Variants in BCORL1 observed in about 807,000 individuals in gnomAD.
BCORL1 encodes BCL6 corepressor like 1, also known as BCL-6 corepressor-like protein 1.
In BCORL1, 7 loss-of-function variants were observed where a neutral mutation model predicts 87.6. The ratio of observed to expected loss-of-function variants is 0.08; its 90% CI spans 0.05 to 0.15. The LOEUF (loss-of-function observed/expected upper bound fraction) is 0.15. Among genes scored for constraint, BCORL1 ranks in the 10% least tolerant of loss-of-function variants. The probability of loss-of-function intolerance (pLI) is 1.00; values close to 1 mark genes in which losing one functional copy is unlikely to be tolerated. For synonymous variants in BCORL1, 591 were observed against 634.4 expected (o/e 0.93, Z 1.03); for missense variants, 1,215 against 1,499.7 (o/e 0.81, Z 3.13).
At chrX:130,010,589 C>T (rs1474427742) in intron 2 of BCORL1, 1 of 111,236 alleles carries the variant, frequency 9.0e-6, no homozygotes, top group African/African-American at 3.3e-5. Context: ...CTCGGTTAGC[C>T]CCTTCTGGAT....
At chrX:130,040,079 C>G (rs1931220117) in intron 11 of BCORL1, among the ~76,000 whole-genome samples, 1 of 112,445 alleles carries the variant, frequency 8.9e-6, no homozygotes, top group South Asian at 3.7e-4. Flanking sequence ...GGCCCTTGCT[C>G]TAGCAGTGAC....
intron 2 of BCORL1, among the ~76,000 whole-genome samples, chrX:130,011,002 TAAAAAAAAAAAAAAAAAAAAAAA>T (rs1186630415): frequency 4.2e-4 from 8 of 19,089 alleles, no homozygotes; most frequent in African/African-American, 1.2e-3. Context: ...AGATTCAATC[TAAAAAAAAAAAAAAAAAAAAAAA>T]AAAAAAAAAA....
intron 2 of BCORL1, among the ~76,000 whole-genome samples, chrX:130,011,186 G>A (rs1928931330): frequency 9.2e-6 from 1 of 109,070 alleles, no homozygotes; most frequent in South Asian, 4.0e-4. Context: ...CCTCCTCCTT[G>A]GCCACTCCCA....
At chrX:129,981,871 C>T (rs1431790272), upstream of BCORL1, 1 of 88,190 alleles carries the variant, frequency 1.1e-5, no homozygotes, top group Non-Finnish European at 2.2e-5. Flanking sequence ...AGAGGCGAGC[C>T]CCGGCTTCAG....
chrX:130,021,318 G>A (rs1929792487), intron 5 of BCORL1, 168 bp downstream of exon 5: 1 of 751,777 alleles, frequency 1.3e-6, no homozygotes, highest in Non-Finnish European at 1.6e-6. Context: ...AGGTGAGCGA[G>A]CAAGGATCGG....
Position 130,016,062 on chromosome X carries a change from G to A in BCORL1, c.3290G>A (p.Gly1097Glu). The A allele has an allele frequency of 8.3e-7, 1 of 1,211,702 alleles. No individual in the cohort carries two copies. The highest frequency in any genetic ancestry group is 1.8e-5 in the South Asian group (1 of 56,997). The change falls in exon 4 of 14, where the codon GGG becomes GAG. Residue 1097 changes from glycine (G) to glutamate (E), a missense_variant. Gly to Glu is a moderately conservative substitution (Grantham distance 98). Transcript: ENST00000540052. ...GCTCGAGTGAAACAGGAAAGCGTAG[G>A]GGTCTTTGCTTGCAAGAACAAGTGG... is the stretch of plus-strand genomic sequence containing the variant. ...GQARVKQESV[G>E]VFACKNKWQP... is the part of the protein sequence containing the mutation.
chrX:130,047,597 G>A (rs1931833143), intron 11 of BCORL1, among the ~76,000 whole-genome samples: 1 of 112,346 alleles, frequency 8.9e-6, no homozygotes, highest in East Asian at 2.8e-4. Flanking sequence ...TCCCAGAGAG[G>A]AGCCCCAGGA....
At chrX:130,044,828 CAAAG>C (rs1283254895) in intron 11 of BCORL1, among the ~76,000 whole-genome samples, 1 of 112,499 alleles carries the variant, frequency 8.9e-6, no homozygotes, top group African/African-American at 3.2e-5. Flanking sequence ...TTTCTAAGTA[CAAAG>C]AAATGTCACT....
chrX:130,015,162 G>A lies in BCORL1; in HGVS notation c.2390G>A (p.Cys797Tyr), dbSNP rs1259658038. The change falls in exon 4 of 14, where the codon TGC becomes TAC. Residue 797 changes from cysteine to tyrosine, a missense_variant. By Grantham distance (194) the Cys-to-Tyr change is radical. This residue lies in a region of BCORL1 where 861 missense variants were observed against 1,010.0 expected (regional missense o/e 0.85). Transcript: ENST00000540052. Reference protein sequence around the residue: ...PARIAPGLPGCQTKELSLWKP... With the variant: ...PARIAPGLPGYQTKELSLWKP... Reference sequence around the variant, plus strand: ...CGCATTGCCCCTGGGCTGCCAGGGTGCCAAACCAAGGAACTCTCTTTGTGG... The same window carrying A: ...CGCATTGCCCCTGGGCTGCCAGGGTACCAAACCAAGGAACTCTCTTTGTGG... The A allele has an allele frequency of 2.5e-6, 3 of 1,212,274 alleles. No individual in the cohort carries two copies. Among genetic ancestry groups the A allele is most frequent in the Non-Finnish European group, 3.3e-6 (3 of 895,604 alleles).
At chrX:130,002,629 TAAGC>T (rs1928144836) in intron 1 of BCORL1, among the ~76,000 whole-genome samples, 1 of 101,778 alleles carries the variant, frequency 9.8e-6, no homozygotes, top group South Asian at 4.6e-4. Context: ...GAAGGTGAGA[TAAGC>T]AAGAAAAAGA....
chrX:130,041,777 C>T (rs1214074354), intron 11 of BCORL1, among the ~76,000 whole-genome samples: 1 of 111,189 alleles, frequency 9.0e-6, no homozygotes, highest in Non-Finnish European at 1.9e-5. Context: ...CAGGCACCCG[C>T]CACCAAGCTC....
At chrX:130,033,877 G>C (rs904305253) in intron 8 of BCORL1, among the ~76,000 whole-genome samples, 4 of 110,824 alleles carry the variant, frequency 3.6e-5, no homozygotes, top group Non-Finnish European at 7.6e-5. Flanking sequence ...AGCTACTCAG[G>C]AGGCTGAGGG....
At chrX:129,981,307 T>A (rs939862851), upstream of BCORL1, 1 of 111,274 alleles carries the variant, frequency 9.0e-6, no homozygotes, top group African/African-American at 3.3e-5. Context: ...GCCTTCCCCC[T>A]TCTTCAGCCA....
chrX:130,033,295 C>T (rs1930741794), intron 8 of BCORL1, among the ~76,000 whole-genome samples: 1 of 110,921 alleles, frequency 9.0e-6, no homozygotes, highest in African/African-American at 3.3e-5. Context: ...GTTGGCCAGG[C>T]TGGTCTTGAA....
Position 130,015,940 on chromosome X carries a change from T to C in BCORL1, c.3168T>C (p.Gly1056=). 8.3e-7 allele frequency: 1 copy of C among 1,211,312 alleles called. No homozygotes were observed. The highest frequency in any genetic ancestry group is 1.1e-6 in the Non-Finnish European group (1 of 895,398). Residue 1056 remains glycine, a synonymous_variant, in exon 4 of 14, where the codon GGT becomes GGC. Transcript: ENST00000540052. ...LGRVKMEKVD[G]DVVFNLATCF... Reference sequence around the variant, plus strand: ...GAGTGAAAATGGAGAAGGTGGATGGTGATGTGGTCTTCAATTTAGCCACCT... The same window carrying C: ...GAGTGAAAATGGAGAAGGTGGATGGCGATGTGGTCTTCAATTTAGCCACCT...
intron 5 of BCORL1, 83 bp from the exon 6 acceptor site, chrX:130,022,814 G>C (rs951361884): frequency 1.2e-6 from 1 of 830,659 alleles, no homozygotes. Context: ...TCTTTCCCCC[G>C]AGCCTCACAG....
chrX:130,022,619 A>G (rs1381317990), intron 5 of BCORL1, among the ~76,000 whole-genome samples: 1 of 111,279 alleles, frequency 9.0e-6, no homozygotes, highest in East Asian at 2.8e-4. Flanking sequence ...ACTTTCTGGC[A>G]CACCATCACA....
At chrX:130,052,068 G>A (rs1204425913) in intron 13 of BCORL1, 52 bp downstream of exon 13, 1 of 1,096,128 alleles carries the variant, frequency 9.1e-7, no homozygotes, top group Non-Finnish European at 1.2e-6. Context: ...CTGGCACTCA[G>A]TAGGAAGGTG....
At chrX:130,044,526 T>A (rs978855035) in intron 11 of BCORL1, among the ~76,000 whole-genome samples, 1 of 109,927 alleles carries the variant, frequency 9.1e-6, no homozygotes, top group Non-Finnish European at 1.9e-5. Flanking sequence ...TTTTTTTTTT[T>A]AAGATGGAGT....
Sources: allele counts gnomAD v4.1 joint callset (sites outside exome capture counted in the v4.1 genomes callset), GRCh38; gene constraint gnomAD v4.1.1; regional missense constraint gnomAD v4.1.1; transcripts MANE v1.5; gene names NCBI Gene and HGNC (gene_info 2026-07-23, HGNC 2026-07-21).